TRRAP: variants seen among roughly 807,000 people sequenced by gnomAD.
TRRAP encodes the protein transformation/transcription domain associated protein, also known as transformation/transcription domain-associated protein.
A neutral mutation model predicts 438.8 loss-of-function variants in TRRAP; 41 were observed. The ratio of observed to expected loss-of-function variants is 0.09; its 90% CI spans 0.07 to 0.12. TRRAP has a LOEUF of 0.12. Among genes scored for constraint, TRRAP ranks in the 10% least tolerant of loss-of-function variants. The pLI is 1.00. For missense variants in TRRAP, 3,122 were observed against 5,055.1 expected (o/e 0.62, Z 11.60); for synonymous variants, 1,994 against 1,962.9 (o/e 1.02, Z -0.42).
chr7:98,904,546 AC>A (rs1417860121), intron 12 of TRRAP, among the ~76,000 whole-genome samples: 5 of 151,070 alleles, frequency 3.3e-5, no homozygotes, highest in African/African-American at 1.2e-4. Flanking sequence ...CCTTCCCGTT[AC>A]TGTACAAGCT....
At chr7:98,900,483 A>G in intron 10 of TRRAP, 141 bp from the exon 11 acceptor site, 1 of 647,604 alleles carries the variant, frequency 1.5e-6, no homozygotes, top group Admixed American at 3.3e-5. Flanking sequence ...CGAAAGGTGT[A>G]GACACCTTTG....
At chr7:98,972,112 A>G (rs1283876590) in intron 53 of TRRAP, among the ~76,000 whole-genome samples, 167 bp downstream of exon 53, 3 of 152,094 alleles carry the variant, frequency 2.0e-5, no homozygotes, top group African/African-American at 7.2e-5. Context: ...GCGCAGTCGC[A>G]CCTCACTGCG....
rs74377135 is a variant in TRRAP at position 98,975,937 on chromosome 7, G to A, written c.7840-212G>A. ...GCGCCATTGCTGAGCCTCTCGGGAT[G>A]CCTGGGCTTGGCTGCTAAGTGCACC... On this transcript the variant is annotated intron_variant, in intron 53 of 72. Coordinates refer to ENST00000456197, the MANE Select transcript of TRRAP (RefSeq NM_001375524.1). 1.2e-5 allele frequency: 7 copies of A among 566,994 alleles called. No homozygotes were observed. In the East Asian group the frequency reaches 2.2e-4, roughly 17 times the overall value. The allele number at this position is 566,994 out of a possible 1,614,324, so 35.1% of individuals were successfully genotyped here.
intron 60 of TRRAP, 170 bp downstream of exon 60, chr7:98,983,629 T>C (rs1450866350): frequency 4.2e-6 from 3 of 711,092 alleles, no homozygotes; most frequent in Non-Finnish European, 6.9e-6. Context: ...CAGGGAAAGA[T>C]GAAGGTGGTA....
chr7:98,916,112 T>A (rs1259864553), intron 19 of TRRAP, among the ~76,000 whole-genome samples: 4 of 147,414 alleles, frequency 2.7e-5, no homozygotes, highest in Non-Finnish European at 1.5e-5. Flanking sequence ...CCCTCCCTCC[T>A]CAGCATTGAA....
At chr7:98,970,334 G>T in intron 52 of TRRAP, 43 bp downstream of exon 52, 1 of 1,597,950 alleles carries the variant, frequency 6.3e-7, no homozygotes. Flanking sequence ...GAGAGGAGGT[G>T]AGGCCCCACA....
chr7:98,893,133 G>A lies in TRRAP; in HGVS notation c.366+605G>A, dbSNP rs1446082703. Among the ~76,000 whole-genome samples, 3 of 152,028 alleles carry A rather than the reference G, an allele frequency of 2.0e-5. No individual in the cohort carries two copies. In the East Asian group the frequency reaches 5.8e-4, roughly 29 times the overall value. ...TGCCTAGCTGATTTTTGTATTTTTA[G>A]TAGAGATGGGGTTTCGCCATGTTGG... On this transcript the variant is annotated intron_variant, in intron 5 of 72. Transcript: ENST00000456197.
At chr7:98,923,628 C>T (rs528525851) in intron 21 of TRRAP, among the ~76,000 whole-genome samples, 1 of 152,342 alleles carries the variant, frequency 6.6e-6, no homozygotes, top group South Asian at 2.1e-4. Context: ...GATCAGATCA[C>T]ATGCAGTTCC....
At position 98,981,626 on chromosome 7, in the gene TRRAP, A is replaced by G. The variant is rs1250591876; in HGVS notation, c.8635-143A>G. 8.5e-6 allele frequency: 7 copies of G among 826,848 alleles called. No homozygotes were observed. The Admixed American group carries it at 1.1e-4, about 13-fold the overall frequency. The allele number at this position is 826,848 out of a possible 1,614,324, so 51.2% of individuals were successfully genotyped here. On this transcript the variant is annotated intron_variant, in intron 58 of 72. Transcript: ENST00000456197. ...CTGTGTAAACGCATGACTTCTCTAA[A>G]GAAAATACATTTCTATAGCCTAATT...
intron 40 of TRRAP, among the ~76,000 whole-genome samples, chr7:98,954,249 G>C (rs537726142): frequency 1.3e-5 from 2 of 152,224 alleles, no homozygotes; most frequent in Non-Finnish European, 2.9e-5. Flanking sequence ...GGCACCCCGG[G>C]TTTGAGTGTT....
chr7:98,995,584 G>T (rs532753291), intron 67 of TRRAP, among the ~76,000 whole-genome samples: 75 of 152,046 alleles, frequency 4.9e-4, no homozygotes, highest in African/African-American at 1.7e-3. Context: ...GTGAGGAAAG[G>T]AGTCCAATTT....
At chr7:98,900,781 C>T in intron 11 of TRRAP, 61 bp downstream of exon 11, 2 of 1,413,702 alleles carry the variant, frequency 1.4e-6, no homozygotes, top group Non-Finnish European at 9.8e-7. Context: ...TAAAATTCAC[C>T]TTTTGTGGGT....
chr7:98,968,936 A>G (rs976328830), intron 51 of TRRAP, among the ~76,000 whole-genome samples: 2 of 152,244 alleles, frequency 1.3e-5, no homozygotes, highest in Non-Finnish European at 1.5e-5. Flanking sequence ...AAAGACAAAG[A>G]CAGACGACAT....
chr7:98,961,539 AGAGCGCTTGTCCTCCAGTTATTGTGTC>A (rs1241310757), intron 46 of TRRAP, 65 bp downstream of exon 46: 1 of 1,567,926 alleles, frequency 6.4e-7, no homozygotes, highest in East Asian at 2.3e-5. Context: ...GCTTGCTATG[AGAGCGCTTGTCCTCCAGTTATTGTGTC>A]GAGCGCTTTG....
intron 39 of TRRAP, among the ~76,000 whole-genome samples, chr7:98,952,822 C>T (rs3815231): frequency 1.3e-5 from 2 of 151,948 alleles, no homozygotes; most frequent in East Asian, 1.9e-4. Context: ...AACGTGGGGC[C>T]GTCACCTGTG....
At chr7:98,965,157 C>T (rs559917652) in intron 48 of TRRAP, among the ~76,000 whole-genome samples, 1 of 152,386 alleles carries the variant, frequency 6.6e-6, no homozygotes, top group South Asian at 2.1e-4. Flanking sequence ...CACACACACA[C>T]ACACCTGCTT....
Position 98,933,347 on chromosome 7 carries a change from C to A in TRRAP, c.3959C>A (p.Pro1320His). Residue 1320 changes from proline to histidine, a missense_variant, in exon 27 of 73, where the codon CCC becomes CAC. By Grantham distance (77) the Pro-to-His change is moderately conservative. Coordinates refer to ENST00000456197, the MANE Select transcript of TRRAP (RefSeq NM_001375524.1). ...EGNTFCTTLQ[P>H]RLFTMDLNVV... The stretch of plus-strand genomic sequence containing the variant: ...AACACGTTCTGTACCACGTTGCAGC[C>A]CAGGCTCTTCACAATGGACCTTAAC... 1 of 1,614,092 alleles carries A rather than the reference C, an allele frequency of 6.2e-7. No homozygotes were observed. Among genetic ancestry groups the A allele is most frequent in the Non-Finnish European group, 8.5e-7 (1 of 1,180,022 alleles).
intron 2 of TRRAP, 22 bp downstream of exon 2, chr7:98,881,272 T>A: frequency 6.3e-7 from 1 of 1,577,026 alleles, no homozygotes; most frequent in Non-Finnish European, 8.6e-7. Flanking sequence ...CTTTTTATCA[T>A]TAAGAAATGC....
chr7:98,911,383 T>C, intron 17 of TRRAP, 112 bp downstream of exon 17: 1 of 1,069,160 alleles, frequency 9.4e-7, no homozygotes, highest in Admixed American at 3.1e-5. Flanking sequence ...AAGGATGTGC[T>C]TATAGCTCAA....
Sources: allele counts gnomAD v4.1 joint callset (sites outside exome capture counted in the v4.1 genomes callset), GRCh38; gene constraint gnomAD v4.1.1; transcripts MANE v1.5; gene names NCBI Gene and HGNC (gene_info 2026-07-23, HGNC 2026-07-21).